ARHGAP42: variants seen among roughly 807,000 people sequenced by gnomAD.
The protein encoded by ARHGAP42 is Rho GTPase activating protein 42.
Under a neutral mutation model 125.0 loss-of-function variants are expected in ARHGAP42, and 63 were observed. The observed-to-expected ratio is 0.50, with a 90% CI of 0.41 to 0.62. The LOEUF (loss-of-function observed/expected upper bound fraction) is 0.62, where lower values mean the gene tolerates loss of function less well. ARHGAP42 is among the 20% of genes least tolerant of loss of function. The pLI is 0.00. For missense variants in ARHGAP42, 766 were observed against 1,024.2 expected, an observed-to-expected ratio of 0.75 and a Z score of 3.44; for synonymous variants, 339 against 351.0, an observed-to-expected ratio of 0.97 and a Z score of 0.38.
chr11:100,911,256 C>T (rs1866908854), intron 4 of ARHGAP42, among the ~76,000 whole-genome samples: 1 of 152,008 alleles, frequency 6.6e-6, no homozygotes, highest in Non-Finnish European at 1.5e-5. Context: ...GTGGTGGCCA[C>T]TATTATAAGA....
At chr11:100,943,957 G>T in intron 10 of ARHGAP42, 89 bp downstream of exon 10, 2 of 830,222 alleles carry the variant, frequency 2.4e-6, no homozygotes, top group Non-Finnish European at 3.6e-6. Context: ...CAGCATTCAA[G>T]TGTTTTTTAG....
intron 1 of ARHGAP42, among the ~76,000 whole-genome samples, chr11:100,750,405 G>T (rs1862418315): frequency 6.6e-6 from 1 of 150,956 alleles, no homozygotes; most frequent in Non-Finnish European, 1.5e-5. Flanking sequence ...CGGGGTGAGT[G>T]GTTTGGCGGT....
intron 19 of ARHGAP42, 106 bp downstream of exon 19, chr11:100,974,709 C>G: frequency 8.7e-7 from 1 of 1,150,180 alleles, no homozygotes; most frequent in Non-Finnish European, 1.2e-6. Flanking sequence ...CACTGATGCT[C>G]TTTCCCCAAC....
At chr11:100,848,840 G>A (rs1230466528) in intron 3 of ARHGAP42, among the ~76,000 whole-genome samples, 2 of 152,112 alleles carry the variant, frequency 1.3e-5, no homozygotes, top group African/African-American at 4.8e-5. Flanking sequence ...AAAGAGAAGC[G>A]AGCAGTTTTT....
chr11:100,975,935 C>T, intron 19 of ARHGAP42, 122 bp from the exon 20 acceptor site: 2 of 1,116,248 alleles, frequency 1.8e-6, no homozygotes, highest in Non-Finnish European at 2.5e-6. Context: ...AGGGGCCTAC[C>T]ACTTTAATGG....
At chr11:100,949,184 C>G (rs1208416530) in intron 11 of ARHGAP42, among the ~76,000 whole-genome samples, 1 of 151,992 alleles carries the variant, frequency 6.6e-6, no homozygotes, top group East Asian at 1.9e-4. Flanking sequence ...GAGAACCATT[C>G]TTTAGATGGC....
At chr11:100,783,604 T>G (rs2135014576) in intron 2 of ARHGAP42, among the ~76,000 whole-genome samples, 1 of 152,346 alleles carries the variant, frequency 6.6e-6, no homozygotes, top group African/African-American at 2.4e-5. Context: ...TAAGGGCCAC[T>G]TGTTTGTAGG....
chr11:100,741,855 A>G (rs1856298781), intron 1 of ARHGAP42, among the ~76,000 whole-genome samples: 3 of 152,180 alleles, frequency 2.0e-5, no homozygotes, highest in African/African-American at 4.8e-5. Flanking sequence ...AGTACTTTGC[A>G]TTGTACTAGG....
intron 17 of ARHGAP42, among the ~76,000 whole-genome samples, chr11:100,967,271 A>T (rs1182277399): frequency 6.6e-6 from 1 of 152,182 alleles, no homozygotes; most frequent in African/African-American, 2.4e-5. Context: ...TTTCTTCCTA[A>T]GAGTCCTTTT....
At chr11:100,761,624 A>G (rs1206933098) in intron 1 of ARHGAP42, among the ~76,000 whole-genome samples, 1 of 152,230 alleles carries the variant, frequency 6.6e-6, no homozygotes, top group East Asian at 1.9e-4. Context: ...ACTGCTTGCC[A>G]GACACATATC....
At chr11:100,945,842 A>G (rs571904) in intron 10 of ARHGAP42, among the ~76,000 whole-genome samples, 134,146 of 152,050 alleles carry the variant, frequency 0.88, 59,265 homozygotes, top group East Asian at 1. Flanking sequence ...TGATATATGA[A>G]CATTGGCTCT....
At chr11:100,812,239 C>T (rs566588203) in intron 3 of ARHGAP42, among the ~76,000 whole-genome samples, 3 of 152,164 alleles carry the variant, frequency 2.0e-5, no homozygotes, top group Non-Finnish European at 2.9e-5. Flanking sequence ...TATAGCAAAG[C>T]GGATGGTGGA....
At chr11:100,965,400 T>C (rs1428153953) in intron 16 of ARHGAP42, among the ~76,000 whole-genome samples, 1 of 152,194 alleles carries the variant, frequency 6.6e-6, no homozygotes, top group African/African-American at 2.4e-5. Context: ...GAGTTTTGGC[T>C]GTATCAAAGT....
intron 7 of ARHGAP42, 92 bp downstream of exon 7, chr11:100,933,352 G>T: frequency 1.1e-6 from 1 of 908,430 alleles, no homozygotes; most frequent in Non-Finnish European, 1.6e-6. Flanking sequence ...AGCTGCTAGT[G>T]GAAAATACAA....
At chr11:100,699,510 T>A (rs866283629) in intron 1 of ARHGAP42, among the ~76,000 whole-genome samples, 35 of 38,790 alleles carry the variant, frequency 9.0e-4, no homozygotes, top group African/African-American at 3.1e-3. Flanking sequence ...ATATATATTT[T>A]TTTTTTTTTT....
chr11:100,799,927 T>G (rs1465345918), intron 3 of ARHGAP42, among the ~76,000 whole-genome samples: 1 of 152,076 alleles, frequency 6.6e-6, no homozygotes, highest in Non-Finnish European at 1.5e-5. Context: ...TGGAGAATAG[T>G]GTTATGAAGG....
intron 1 of ARHGAP42, among the ~76,000 whole-genome samples, chr11:100,750,219 T>C (rs939153218): frequency 2.0e-5 from 3 of 152,262 alleles, no homozygotes; most frequent in African/African-American, 4.8e-5. Flanking sequence ...AACGTACTTC[T>C]ATAGAAGGGT....
At chr11:100,741,345 C>T (rs1272058864) in intron 1 of ARHGAP42, among the ~76,000 whole-genome samples, 1 of 144,340 alleles carries the variant, frequency 6.9e-6, no homozygotes, top group Non-Finnish European at 1.6e-5. Context: ...AAATCTTATT[C>T]TTATAGTTAG....
intron 1 of ARHGAP42, among the ~76,000 whole-genome samples, chr11:100,706,928 G>A (rs972645651): frequency 6.6e-6 from 1 of 152,114 alleles, no homozygotes; most frequent in East Asian, 1.9e-4. Flanking sequence ...CTAGCCCCTG[G>A]AAACTGTTAC....
Sources: gnomAD v4.1 joint callset for allele counts (sites outside exome capture counted in the v4.1 genomes callset) on GRCh38, gnomAD v4.1.1 for gene constraint, MANE v1.5 for transcripts, NCBI Gene and HGNC (gene_info 2026-07-23, HGNC 2026-07-21) for gene names.